Variants in CELF2 observed in about 807,000 individuals in gnomAD.
The protein encoded by CELF2 is CUGBP Elav-like family member 2.
CELF2 carries 8 observed loss-of-function variants against 62.6 expected under a neutral mutation model. The ratio of observed to expected loss-of-function variants is 0.13; its 90% CI spans 0.07 to 0.23. The LOEUF is 0.23. CELF2 is among the 10% of genes least tolerant of loss of function. The pLI is 1.00. For missense variants in CELF2, 333 were observed against 671.0 expected, an observed-to-expected ratio of 0.50 and a Z score of 5.56; for synonymous variants, 258 against 250.0, an observed-to-expected ratio of 1.03 and a Z score of -0.30.
In CELF2 at chr10:11,064,702, G is replaced by A. The variant is rs1449550614; in HGVS notation, c.74+46539G>A. 2.0e-5 allele frequency among the ~76,000 whole-genome samples: 3 copies of A among 151,950 alleles called. No homozygotes were observed. The East Asian group carries it at 5.8e-4, about 29-fold the overall frequency. The stretch of plus-strand genomic sequence containing the variant: ...CCCCCCAAATATGATTTAAAATCTT[G>A]ATATATAGAGCAGGAGCACCAGGAA... On this transcript the variant is annotated intron_variant, in intron 1 of 12. Coordinates refer to ENST00000633077, the MANE Select transcript of CELF2 (RefSeq NM_001326342.2).
At chr10:11,013,280 G>A (rs2056760063), upstream of CELF2, among the ~76,000 whole-genome samples, 1 of 152,154 alleles carries the variant, frequency 6.6e-6, no homozygotes. This position sits in a 1 kb window ranked among gnomAD's most constrained non-coding sequence, Gnocchi z 4.1. Flanking sequence ...AGCTGAGAAA[G>A]AAAGAAATAA....
intron 2 of CELF2, among the ~76,000 whole-genome samples, chr10:10,970,344 G>T (rs1819346472): frequency 2.0e-5 from 3 of 152,282 alleles, no homozygotes; most frequent in South Asian, 2.1e-4. Flanking sequence ...TGGGATTACA[G>T]GTGTAAGCCA....
intron 1 of CELF2, among the ~76,000 whole-genome samples, chr10:11,112,710 G>T (rs971250022): frequency 1.8e-4 from 27 of 152,404 alleles, no homozygotes; most frequent in Middle Eastern, 3.4e-3. Flanking sequence ...GCAAGCATCT[G>T]TGAGACCAGA....
At chr10:10,854,048 T>A (rs902444465) in intron 1 of CELF2, among the ~76,000 whole-genome samples, 2 of 152,198 alleles carry the variant, frequency 1.3e-5, no homozygotes, top group Non-Finnish European at 2.9e-5. Context: ...GAACTCTCAT[T>A]TAAGAGTCCA....
chr10:10,977,153 C>T lies in CELF2; in HGVS notation c.89+57154C>T, dbSNP rs2051445297. On this transcript the variant is annotated intron_variant, in intron 2 of 13. Coordinates refer to the CELF2 transcript ENST00000636488. ...CAGTAGCCACAGGTGGATTCCAGAA[C>T]CTGAAGCTGATCTGAGTTTGAGAGC... Among the ~76,000 whole-genome samples the T allele has an allele frequency of 3.3e-5, 5 of 152,236 alleles. No homozygotes were observed. The South Asian group carries it at 1.0e-3, about 32-fold the overall frequency.
At chr10:10,792,587 CA>C in the CELF2 span, 2 of 393,976 alleles carry the variant, frequency 5.1e-6, no homozygotes, top group Admixed American at 8.8e-5. Flanking sequence ...AAAACAAAAC[CA>C]AAAAAGACTG....
At chr10:10,661,390 GT>G in the CELF2 span, among the ~76,000 whole-genome samples, 1 of 152,204 alleles carries the variant, frequency 6.6e-6, no homozygotes, top group Admixed American at 6.5e-5. Context: ...ACACAGCACA[GT>G]TTATGTTTAC....
chr10:10,954,023 C>T (rs897885974), intron 2 of CELF2, among the ~76,000 whole-genome samples: 6 of 151,746 alleles, frequency 4.0e-5, no homozygotes, highest in African/African-American at 1.5e-4. Flanking sequence ...ATGCATCACA[C>T]ACTCCTAATA....
chr10:10,901,761 G>A (rs1591700355), intron 1 of CELF2, among the ~76,000 whole-genome samples: 1 of 152,146 alleles, frequency 6.6e-6, no homozygotes, highest in South Asian at 2.1e-4. Flanking sequence ...TTATATATCC[G>A]ATGAAGAAAT....
rs1180071480 is a variant in CELF2 at position 11,336,190 on chromosome 10, G to A, written c.*7137G>A. ...GACACACAGTGAACATTAATGTACT[G>A]TGAATCGTTCCTGATAAGTGAATAA... On this transcript the variant is annotated 3_prime_UTR_variant, in exon 13 of 13. Coordinates refer to ENST00000633077, the MANE Select transcript of CELF2 (RefSeq NM_001326342.2). The surrounding 1 kb of genome is among the most constrained non-coding windows in gnomAD (Gnocchi z 5.4). 6.5e-6 allele frequency: 1 copy of A among 152,678 alleles called. No homozygotes were observed. The highest frequency in any genetic ancestry group is 1.5e-5 in the Non-Finnish European group (1 of 68,054). 9.5% of individuals were successfully genotyped at this position (152,678 alleles called of 1,614,324 possible).
intron 3 of CELF2, among the ~76,000 whole-genome samples, chr10:11,232,853 A>G (rs1033954800): frequency 5.9e-5 from 9 of 152,170 alleles, no homozygotes; most frequent in Non-Finnish European, 1.3e-4. Context: ...TGTCAGAGTC[A>G]ATTGTGCCAG....
At chr10:10,913,858 A>AGGAGGAAGGAAGGAAGGAAGGAAG in intron 1 of CELF2, among the ~76,000 whole-genome samples, 1 of 101,044 alleles carries the variant, frequency 9.9e-6, no homozygotes, top group Non-Finnish European at 1.9e-5. Context: ...AGGGAAGGAG[A>AGGAGGAAGGAAGGAAGGAAGGAAG]GAAGGAAGGA....
the CELF2 span, among the ~76,000 whole-genome samples, chr10:10,594,441 G>A: frequency 7.9e-5 from 12 of 152,332 alleles, no homozygotes; most frequent in South Asian, 1.7e-3. Flanking sequence ...TGCATAGTGC[G>A]AAACTCTGGC....
the CELF2 span, among the ~76,000 whole-genome samples, chr10:10,545,789 T>C: frequency 6.6e-6 from 1 of 152,088 alleles, no homozygotes; most frequent in Admixed American, 6.6e-5. Context: ...ACTTTTAGGG[T>C]GATCGAGGGA....
the CELF2 span, among the ~76,000 whole-genome samples, chr10:10,705,500 G>A: frequency 6.6e-6 from 1 of 152,140 alleles, no homozygotes; most frequent in Non-Finnish European, 1.5e-5. Context: ...GAGAGAGAGG[G>A]AGTGGTGGAA....
chr10:10,818,546 CTTTTTTTT>C (rs3028992), intron 1 of CELF2, among the ~76,000 whole-genome samples: 3 of 116,538 alleles, frequency 2.6e-5, no homozygotes, highest in Admixed American at 9.4e-5. Context: ...TAAATATTTC[CTTTTTTTT>C]TTTTTTTTTT....
chr10:11,232,934 G>A lies in CELF2; in HGVS notation c.354+15427G>A, dbSNP rs1029868393. ...ATCTTCAGCCTCTTGACAGCATTTG[G>A]TTAGCAGACACTATAGCTTGGACTC... On this transcript the variant is annotated intron_variant, in intron 3 of 12. Coordinates refer to ENST00000633077, the MANE Select transcript of CELF2 (RefSeq NM_001326342.2). Among the ~76,000 whole-genome samples the A allele has an allele frequency of 1.6e-4, 24 of 152,252 alleles. 1 individual carries two copies. The highest frequency in any genetic ancestry group is 5.3e-4 in the African/African-American group (22 of 41,548).
At chr10:10,905,598 G>A (rs1177679378) in intron 1 of CELF2, among the ~76,000 whole-genome samples, 4 of 151,686 alleles carry the variant, frequency 2.6e-5, no homozygotes, top group Non-Finnish European at 5.9e-5. Context: ...AAAAAAAAGG[G>A]CTGGGCGTGG....
intron 1 of CELF2, among the ~76,000 whole-genome samples, chr10:10,907,433 A>T (rs1256724068): frequency 6.6e-6 from 1 of 152,238 alleles, no homozygotes; most frequent in African/African-American, 2.4e-5. Context: ...GCTTTTAAAG[A>T]ACAAGTAGAG....
Sources: gnomAD v4.1 joint callset for allele counts (sites outside exome capture counted in the v4.1 genomes callset) on GRCh38, gnomAD v4.1.1 for gene constraint, Gnocchi (gnomAD v3.1) non-coding constraint, MANE v1.5 for transcripts, NCBI Gene and HGNC (gene_info 2026-07-23, HGNC 2026-07-21) for gene names.